The following FIRRM variants were observed in gnomAD, a reference collection of about 807,000 sequenced individuals.
FIRRM encodes FIGNL1 interacting regulator of recombination and mitosis.
the FIRRM span, among the ~76,000 whole-genome samples, chr1:169,824,935 G>A: frequency 6.6e-6 from 1 of 152,144 alleles, no homozygotes; most frequent in African/African-American, 2.4e-5. Context: ...GTCCCAAACT[G>A]AACTCTTGAT....
At chr1:169,798,259 T>C in the FIRRM span, among the ~76,000 whole-genome samples, 1 of 149,728 alleles carries the variant, frequency 6.7e-6, no homozygotes, top group African/African-American at 2.4e-5. Flanking sequence ...CCATCCTGGG[T>C]GACAGCAAGA....
chr1:169,803,014 C>T, the FIRRM span, among the ~76,000 whole-genome samples: 1 of 152,128 alleles, frequency 6.6e-6, no homozygotes, highest in African/African-American at 2.4e-5. Flanking sequence ...GACAGTTGTT[C>T]CAGTATTTGT....
the FIRRM span, chr1:169,832,622 A>C: frequency 2.7e-6 from 2 of 753,248 alleles, no homozygotes; most frequent in South Asian, 3.5e-5. Context: ...ATTTTTTTTG[A>C]GACAGAGTCT....
chr1:169,851,954 T>C, the FIRRM span: 2 of 1,613,944 alleles, frequency 1.2e-6, no homozygotes, highest in Non-Finnish European at 8.5e-7. Flanking sequence ...CTGATTTCAA[T>C]AGGGGCCAAA....
chr1:169,796,792 C>G, the FIRRM span, among the ~76,000 whole-genome samples: 1 of 152,218 alleles, frequency 6.6e-6, no homozygotes, highest in Non-Finnish European at 1.5e-5. Flanking sequence ...TAACTACACT[C>G]TGTTCATGAA....
At chr1:169,821,572 G>T in the FIRRM span, 15 of 745,884 alleles carry the variant, frequency 2.0e-5, no homozygotes, top group Non-Finnish European at 2.4e-5. Context: ...TTTAAGAGGG[G>T]TTTTTTTTGT....
chr1:169,784,565 GCTTT>G, the FIRRM span, among the ~76,000 whole-genome samples: 1 of 151,856 alleles, frequency 6.6e-6, no homozygotes, highest in Non-Finnish European at 1.5e-5. Flanking sequence ...TTGCTTGCTT[GCTTT>G]AATACATTTC....
the FIRRM span, chr1:169,851,621 T>C: frequency 1.5e-6 from 1 of 660,780 alleles, no homozygotes; most frequent in Non-Finnish European, 2.5e-6. Context: ...ACTCTATAAC[T>C]AACTATTTTG....
At chr1:169,849,681 C>A in the FIRRM span, 2 of 1,167,652 alleles carry the variant, frequency 1.7e-6, no homozygotes, top group South Asian at 1.3e-5. Context: ...AATCCCAAAA[C>A]ATTTATTGAA....
chr1:169,787,268 C>T, the FIRRM span, among the ~76,000 whole-genome samples: 1 of 152,176 alleles, frequency 6.6e-6, no homozygotes, highest in Non-Finnish European at 1.5e-5. Context: ...CTGCATTCAC[C>T]TTGACAGATT....
chr1:169,792,115 TTACTA>T, the FIRRM span, among the ~76,000 whole-genome samples: 2 of 152,208 alleles, frequency 1.3e-5, no homozygotes, highest in Non-Finnish European at 1.5e-5. Flanking sequence ...ATTCTGATCC[TTACTA>T]TACAAGGTAA....
the FIRRM span, chr1:169,852,464 A>G: frequency 6.5e-6 from 2 of 308,528 alleles, no homozygotes; most frequent in Non-Finnish European, 1.2e-5. Flanking sequence ...CTCTCATAAA[A>G]AGAAAATACA....
At chr1:169,846,788 G>A in the FIRRM span, among the ~76,000 whole-genome samples, 1 of 152,142 alleles carries the variant, frequency 6.6e-6, no homozygotes, top group Non-Finnish European at 1.5e-5. Context: ...TCAACAATAA[G>A]ACTTTCCGTG....
the FIRRM span, among the ~76,000 whole-genome samples, chr1:169,800,500 C>T: frequency 2.6e-5 from 4 of 152,084 alleles, no homozygotes; most frequent in Admixed American, 6.6e-5. Flanking sequence ...ATCTCATTTC[C>T]GTATATTCCT....
the FIRRM span, among the ~76,000 whole-genome samples, chr1:169,837,461 GCTAA>G: frequency 2.4e-4 from 36 of 152,100 alleles, no homozygotes; most frequent in South Asian, 1.0e-3. Flanking sequence ...CCCATTTTAT[GCTAA>G]CTTACTCTGA....
At chr1:169,833,846 C>CTTTT in the FIRRM span, among the ~76,000 whole-genome samples, 254 of 96,042 alleles carry the variant, frequency 2.6e-3, 2 homozygotes, top group South Asian at 0.017. Flanking sequence ...AGTCACTTTC[C>CTTTT]TTTTTTTTTT....
At chr1:169,847,544 A>G in the FIRRM span, 35 of 561,948 alleles carry the variant, frequency 6.2e-5, no homozygotes, top group Non-Finnish European at 1.0e-4. Flanking sequence ...CTACCAGTGA[A>G]GTTCAGGGGC....
the FIRRM span, chr1:169,804,255 C>A: frequency 6.9e-7 from 1 of 1,454,020 alleles, no homozygotes; most frequent in Non-Finnish European, 9.1e-7. Flanking sequence ...GTGAAGAAAA[C>A]TTTCTGCTTA....
the FIRRM span, among the ~76,000 whole-genome samples, chr1:169,790,035 T>A: frequency 6.6e-6 from 1 of 152,218 alleles, no homozygotes; most frequent in African/African-American, 2.4e-5. Flanking sequence ...CTTAAATGAT[T>A]AAATGATACT....
Sources: allele counts gnomAD v4.1 joint callset (sites outside exome capture counted in the v4.1 genomes callset), GRCh38; gene constraint gnomAD v4.1.1; transcripts MANE v1.5; gene names NCBI Gene and HGNC (gene_info 2026-07-23, HGNC 2026-07-21).